CDH13: variants seen among roughly 807,000 people sequenced by gnomAD.
CDH13 encodes cadherin 13.
CDH13 carries 24 observed loss-of-function variants against 63.8 expected under a neutral mutation model. That is an observed-to-expected ratio of 0.38 (90% confidence interval 0.27 to 0.53). CDH13 has a LOEUF of 0.53. Among genes scored for constraint, CDH13 ranks in the 20% least tolerant of loss-of-function variants. CDH13 has a pLI of 0.85. For synonymous variants in CDH13, 503 were observed against 355.3 expected (o/e 1.42, Z -4.67); for missense variants, 1,049 against 903.1 (o/e 1.16, Z -2.07).
At chr16:82,650,222 C>T (rs975037279) in intron 1 of CDH13, among the ~76,000 whole-genome samples, 3 of 152,064 alleles carry the variant, frequency 2.0e-5, no homozygotes, top group Non-Finnish European at 2.9e-5. Flanking sequence ...AAATGAGGTA[C>T]GTGAGGTTGC....
intron 3 of CDH13, among the ~76,000 whole-genome samples, chr16:83,077,597 T>G (rs2151554987): frequency 6.6e-6 from 1 of 152,316 alleles, no homozygotes; most frequent in Non-Finnish European, 1.5e-5. Flanking sequence ...ACCATATTTA[T>G]TATCTACTCT....
At chr16:82,646,493 C>T (rs1026991096) in intron 1 of CDH13, among the ~76,000 whole-genome samples, 7 of 152,172 alleles carry the variant, frequency 4.6e-5, no homozygotes, top group African/African-American at 1.7e-4. Flanking sequence ...CGCGCCTGGC[C>T]TAAGCACATG....
In CDH13 at chr16:83,278,028, T is replaced by C. The variant is rs1173909921; in HGVS notation, c.636+60531T>C. Among the ~76,000 whole-genome samples the C allele has an allele frequency of 2.6e-5, 4 of 152,314 alleles. No homozygotes were observed. In the East Asian group the frequency reaches 7.7e-4, roughly 29 times the overall value. ...AATTATGATTTCTATTGATAAAAGG[T>C]CTCATAGTTCCTATTCTCCAAGAAG... is the stretch of plus-strand genomic sequence containing the variant. On this transcript the variant is annotated intron_variant, in intron 5 of 13. Coordinates refer to ENST00000567109, the MANE Select transcript of CDH13 (RefSeq NM_001257.5).
At chr16:82,976,368 T>G (rs1909507207) in intron 2 of CDH13, among the ~76,000 whole-genome samples, 1 of 152,194 alleles carries the variant, frequency 6.6e-6, no homozygotes, top group African/African-American at 2.4e-5. Flanking sequence ...TATTAGAGAA[T>G]GTATCTCACT....
chr16:83,794,092 G>C (rs562685501), intron 13 of CDH13, among the ~76,000 whole-genome samples: 1 of 152,298 alleles, frequency 6.6e-6, no homozygotes, highest in Non-Finnish European at 1.5e-5. Context: ...CAAGGGAACG[G>C]ATGCTTTCCT....
chr16:83,512,030 T>A (rs901842080), intron 7 of CDH13, among the ~76,000 whole-genome samples: 1 of 151,912 alleles, frequency 6.6e-6, no homozygotes, highest in African/African-American at 2.4e-5. Flanking sequence ...TTTTAAAAAA[T>A]AAAGGAAGGG....
intron 1 of CDH13, among the ~76,000 whole-genome samples, chr16:82,793,559 T>G (rs1490853136): frequency 6.6e-6 from 1 of 152,198 alleles, no homozygotes; most frequent in Non-Finnish European, 1.5e-5. Context: ...CATGTCAGTC[T>G]GCCGTGTGCT....
chr16:83,445,108 G>T (rs1246915011), intron 6 of CDH13, among the ~76,000 whole-genome samples: 1 of 152,070 alleles, frequency 6.6e-6, no homozygotes, highest in African/African-American at 2.4e-5. Context: ...AGTGGAGTCT[G>T]AATAAACTCA....
intron 5 of CDH13, among the ~76,000 whole-genome samples, chr16:83,310,774 G>C (rs1048740350): frequency 1.3e-5 from 2 of 152,144 alleles, no homozygotes; most frequent in African/African-American, 4.8e-5. Context: ...CTCCAGGAGA[G>C]AACAATAACC....
chr16:82,689,982 TAAAAAAAAAAAAAAAAAAAAAA>T (rs71146085), intron 1 of CDH13, among the ~76,000 whole-genome samples: 6 of 15,778 alleles, frequency 3.8e-4, no homozygotes, highest in South Asian at 6.6e-3. Flanking sequence ...CCATCTCTAC[TAAAAAAAAAAAAAAAAAAAAAA>T]AAAAAAAAAA....
rs1000580298 is a variant in CDH13 at position 83,495,334 on chromosome 16, C to T, written c.960+8679C>T. Among the ~76,000 whole-genome samples the T allele has an allele frequency of 2.0e-5, 3 of 152,024 alleles. 1 individual carries two copies. The South Asian group carries it at 6.2e-4, about 32-fold the overall frequency. ...AGGTGGATTCAAATATTTTGTTTGGCAATTGGTTGAAAGAGTTTAAAGACC... is the reference window on the plus strand; with the variant it reads ...AGGTGGATTCAAATATTTTGTTTGGTAATTGGTTGAAAGAGTTTAAAGACC... On this transcript the variant is annotated intron_variant, in intron 7 of 13. Coordinates refer to ENST00000567109, the MANE Select transcript of CDH13 (RefSeq NM_001257.5).
At chr16:83,095,906 A>T (rs940659411) in intron 3 of CDH13, among the ~76,000 whole-genome samples, 2 of 152,238 alleles carry the variant, frequency 1.3e-5, no homozygotes, top group South Asian at 2.1e-4. Flanking sequence ...GTAAGTACAG[A>T]GAAAGGCAAT....
At chr16:82,641,280 G>A (rs749185589) in intron 1 of CDH13, among the ~76,000 whole-genome samples, 1 of 152,178 alleles carries the variant, frequency 6.6e-6, no homozygotes, top group Non-Finnish European at 1.5e-5. Flanking sequence ...GTCATGGGGA[G>A]CAGTCATGAC....
chr16:83,685,237 A>G (rs765936220), intron 10 of CDH13, among the ~76,000 whole-genome samples: 1 of 152,198 alleles, frequency 6.6e-6, no homozygotes, highest in Admixed American at 6.5e-5. Context: ...AGCAATGTGC[A>G]TTGTTTTTTA....
At chr16:82,726,940 C>G (rs2033129136) in intron 1 of CDH13, among the ~76,000 whole-genome samples, 2 of 152,166 alleles carry the variant, frequency 1.3e-5, no homozygotes, top group African/African-American at 4.8e-5. Context: ...CTTATTTACA[C>G]AAAGCAGCAG....
intron 2 of CDH13, among the ~76,000 whole-genome samples, chr16:82,903,576 T>C (rs1308486634): frequency 2.0e-5 from 3 of 152,214 alleles, no homozygotes; most frequent in East Asian, 1.9e-4. Context: ...TTCATCCTTT[T>C]TGTTTTATTC....
intron 2 of CDH13, among the ~76,000 whole-genome samples, chr16:82,927,405 C>T (rs2042338730): frequency 6.6e-6 from 1 of 152,096 alleles, no homozygotes; most frequent in East Asian, 1.9e-4. Flanking sequence ...ATAACTTGAG[C>T]TATTTTCAGC....
intron 5 of CDH13, among the ~76,000 whole-genome samples, chr16:83,282,688 G>C (rs2089209886): frequency 6.6e-6 from 1 of 152,334 alleles, no homozygotes; most frequent in South Asian, 2.1e-4. Context: ...ATGGAAGAAA[G>C]TTGGCAAAGA....
chr16:82,851,183 C>G (rs1009822100), intron 1 of CDH13, among the ~76,000 whole-genome samples: 1 of 152,070 alleles, frequency 6.6e-6, no homozygotes, highest in South Asian at 2.1e-4. Flanking sequence ...TGCCTGTAAT[C>G]CTAGCCCTTT....
Sources: gnomAD v4.1 joint callset for allele counts (sites outside exome capture counted in the v4.1 genomes callset) on GRCh38, gnomAD v4.1.1 for gene constraint, MANE v1.5 for transcripts, NCBI Gene and HGNC (gene_info 2026-07-23, HGNC 2026-07-21) for gene names.